Variants in BTBD1 observed in about 807,000 individuals in gnomAD.
BTBD1 encodes the protein BTB domain containing 1.
BTBD1 carries 34 observed loss-of-function variants against 48.0 expected under a neutral mutation model. The observed-to-expected ratio is 0.71, with a 90% CI of 0.54 to 0.94. The LOEUF (loss-of-function observed/expected upper bound fraction) is 0.94, where lower values mean the gene tolerates loss of function less well. BTBD1 is among the 40% of genes least tolerant of loss of function. The probability of loss-of-function intolerance (pLI) is 0.00; values close to 1 mark genes in which losing one functional copy is unlikely to be tolerated. For missense variants in BTBD1, 543 were observed against 625.6 expected (o/e 0.87, Z 1.41); for synonymous variants, 261 against 242.1 (o/e 1.08, Z -0.72).
intron 1 of BTBD1, among the ~76,000 whole-genome samples, chr15:83,064,035 T>C (rs1229967325): frequency 2.6e-5 from 4 of 152,336 alleles, no homozygotes; most frequent in Non-Finnish European, 2.9e-5. Flanking sequence ...GGGAGGCATA[T>C]AGTATTTGTC....
intron 4 of BTBD1, among the ~76,000 whole-genome samples, chr15:83,036,630 T>C (rs1329800810): frequency 6.6e-6 from 1 of 152,192 alleles, no homozygotes; most frequent in Non-Finnish European, 1.5e-5. Flanking sequence ...CGTACAAGAA[T>C]GGCCTCAATG....
chr15:83,066,773 C>G lies in BTBD1; in HGVS notation c.379G>C (p.Ala127Pro). 7.0e-7 allele frequency: 1 copy of G among 1,422,674 alleles called. No individual in the cohort carries two copies. Among genetic ancestry groups the G allele is most frequent in the Non-Finnish European group, 9.1e-7 (1 of 1,093,740 alleles). 88.1% of individuals were successfully genotyped at this position (1,422,674 alleles called of 1,614,324 possible). ...AEIELPDVEP[A>P]AFLALLRFLY... is the part of the protein sequence containing the mutation. Reference sequence around the variant, plus strand: ...CACCTCAGCAGCGCCAGGAAGGCTGCGGGCTCCACGTCCGGCAGCTCGATC... The same window carrying G: ...CACCTCAGCAGCGCCAGGAAGGCTGGGGGCTCCACGTCCGGCAGCTCGATC... The change falls in exon 1 of 8, where the codon GCA becomes CCA. Residue 127 changes from alanine (A) to proline (P), a missense_variant. By Grantham distance (27) the Ala-to-Pro change is conservative. Coordinates refer to ENST00000261721, the MANE Select transcript of BTBD1 (RefSeq NM_025238.4).
At chr15:83,036,363 A>C (rs2032630845) in intron 4 of BTBD1, among the ~76,000 whole-genome samples, 1 of 152,218 alleles carries the variant, frequency 6.6e-6, no homozygotes, top group Non-Finnish European at 1.5e-5. Context: ...CCAAAATGAA[A>C]TACGTCCTCA....
At chr15:83,050,430 TTGTGTGTGTGTG>T (rs71927319) in intron 2 of BTBD1, among the ~76,000 whole-genome samples, 331 of 146,250 alleles carry the variant, frequency 2.3e-3, no homozygotes, top group African/African-American at 7.6e-3. Context: ...TTTTATGTGC[TTGTGTGTGTGTG>T]TGTGTGTGTG....
Position 83,018,221 on chromosome 15 carries a change from G to C in BTBD1, c.1295C>G (p.Pro432Arg). The stretch of plus-strand genomic sequence containing the variant: ...TCCTTTTGTGCCATAGTGGGAATCT[G>C]GACCCTAAATGAGAACAAAAGGTTC... Reference protein sequence around the residue: ...CYTACATLKGPDSHYGTKGLK... With the variant: ...CYTACATLKGRDSHYGTKGLK... Residue 432 changes from proline (P) to arginine (R), a missense_variant, in exon 8 of 8, where the codon CCA (proline) becomes CGA (arginine). By Grantham distance (103) the Pro-to-Arg change is moderately radical. This residue lies in a region of BTBD1 where 300 missense variants were observed against 350.0 expected (regional missense o/e 0.86). Coordinates refer to ENST00000261721, the MANE Select transcript of BTBD1 (RefSeq NM_025238.4). The C allele has an allele frequency of 6.3e-7, 1 of 1,584,412 alleles. No individual in the cohort carries two copies. The highest frequency in any genetic ancestry group is 8.6e-7 in the Non-Finnish European group (1 of 1,166,122).
intron 4 of BTBD1, among the ~76,000 whole-genome samples, chr15:83,040,090 T>C (rs1051504720): frequency 6.6e-6 from 1 of 151,988 alleles, no homozygotes; most frequent in Non-Finnish European, 1.5e-5. Flanking sequence ...GCAACATGGA[T>C]GCAGCTAGAA....
At chr15:83,031,639 G>A (rs569024690) in intron 4 of BTBD1, among the ~76,000 whole-genome samples, 1 of 152,268 alleles carries the variant, frequency 6.6e-6, no homozygotes, top group Non-Finnish European at 1.5e-5. Context: ...GGGGCAGCGG[G>A]AGGGGGAAGG....
At chr15:83,066,645 C>G (rs990325931) in intron 1 of BTBD1, 106 bp downstream of exon 1, 24 of 1,210,028 alleles carry the variant, frequency 2.0e-5, no homozygotes, top group African/African-American at 3.2e-5. Context: ...TCAGAAGAGC[C>G]CAGCCCAAGG....
At chr15:83,026,773 C>T (rs1158694412) in intron 5 of BTBD1, among the ~76,000 whole-genome samples, 7 of 152,238 alleles carry the variant, frequency 4.6e-5, no homozygotes, top group African/African-American at 1.2e-4. Flanking sequence ...CCGCCCGCCT[C>T]GGCCTCCCAA....
chr15:83,061,656 G>C (rs1352326931), intron 1 of BTBD1: 1 of 152,262 alleles, frequency 6.6e-6, no homozygotes, highest in African/African-American at 2.4e-5. Context: ...CCCTGCTGGA[G>C]AGACCAGCTG....
At position 83,048,339 on chromosome 15, in the gene BTBD1, T is replaced by C. The variant is rs138873637; in HGVS notation, c.664+1734A>G. On this transcript the variant is annotated intron_variant, in intron 3 of 7. Coordinates refer to ENST00000261721, the MANE Select transcript of BTBD1 (RefSeq NM_025238.4). ...TTCTGTTTCAAATGCCTATAAAATCTCCAAATGAGAATGTCAAGTAGACAG... is the reference window on the plus strand; with the variant it reads ...TTCTGTTTCAAATGCCTATAAAATCCCCAAATGAGAATGTCAAGTAGACAG... Among the ~76,000 whole-genome samples, 250 of 152,232 alleles carry C rather than the reference T, an allele frequency of 1.6e-3. 1 individual carries two copies. The highest frequency in any genetic ancestry group is 3.0e-3 in the Non-Finnish European group (203 of 68,018).
At chr15:83,039,224 AAC>A (rs1304611613) in intron 4 of BTBD1, among the ~76,000 whole-genome samples, 1 of 152,188 alleles carries the variant, frequency 6.6e-6, no homozygotes, top group Non-Finnish European at 1.5e-5. Context: ...AAAAAATATG[AAC>A]AGACATTTCT....
At chr15:83,044,722 G>A in intron 3 of BTBD1, 2 of 1,469,748 alleles carry the variant, frequency 1.4e-6, no homozygotes, top group Non-Finnish European at 1.9e-6. Context: ...GTGGTGTACT[G>A]TGTCATGAAC....
intron 3 of BTBD1, among the ~76,000 whole-genome samples, chr15:83,042,348 TTATATATATATATA>T (rs61294242): frequency 4.5e-5 from 5 of 109,896 alleles, no homozygotes; most frequent in African/African-American, 7.4e-5. Flanking sequence ...TTAGGCAATT[TTATATATATATATA>T]TATATATATA....
intron 2 of BTBD1, among the ~76,000 whole-genome samples, chr15:83,052,715 CT>C (rs1463247642): frequency 6.7e-6 from 1 of 148,980 alleles, no homozygotes; most frequent in East Asian, 2.0e-4. Flanking sequence ...ATTGCAAGCT[CT>C]GCCTCCCGGG....
chr15:83,043,039 A>T (rs548373607), intron 3 of BTBD1, among the ~76,000 whole-genome samples: 2 of 152,200 alleles, frequency 1.3e-5, no homozygotes, highest in Non-Finnish European at 2.9e-5. Context: ...GCTACTCAGG[A>T]GGCTGAGACA....
rs1024943180 is a variant in BTBD1 at position 83,016,444 on chromosome 15, T to C, written c.*1623A>G. ...AGAGTTTTTTTTATATATATATATA[T>C]TTATTTATTTTTAAAAACTCCAGGG... On this transcript the variant is annotated 3_prime_UTR_variant, in exon 8 of 8. Transcript: ENST00000261721. 1 of 151,306 alleles carries C rather than the reference T, an allele frequency of 6.6e-6. No homozygotes were observed. Among genetic ancestry groups the C allele is most frequent in the African/African-American group, 2.4e-5 (1 of 41,280 alleles). 9.4% of individuals were successfully genotyped at this position (151,306 alleles called of 1,614,324 possible).
At chr15:83,052,237 C>T (rs963434323) in intron 2 of BTBD1, among the ~76,000 whole-genome samples, 1 of 152,016 alleles carries the variant, frequency 6.6e-6, no homozygotes, top group Non-Finnish European at 1.5e-5. Flanking sequence ...CATGGGCCAC[C>T]GTGCTTGGTT....
chr15:83,041,507 C>T (rs574564913), intron 4 of BTBD1, among the ~76,000 whole-genome samples: 4 of 151,992 alleles, frequency 2.6e-5, no homozygotes, highest in Non-Finnish European at 4.4e-5. Context: ...TCCTGAGTAG[C>T]TGAGATTACA....
Sources: allele counts gnomAD v4.1 joint callset (sites outside exome capture counted in the v4.1 genomes callset), GRCh38; gene constraint gnomAD v4.1.1; regional missense constraint gnomAD v4.1.1; transcripts MANE v1.5; gene names NCBI Gene and HGNC (gene_info 2026-07-23, HGNC 2026-07-21).